Variants in PFDN1 observed in about 807,000 individuals in gnomAD.
PFDN1 encodes prefoldin 1.
Under a neutral mutation model 17.3 loss-of-function variants are expected in PFDN1, and 6 were observed. That is an observed-to-expected ratio of 0.35 (90% confidence interval 0.19 to 0.69). PFDN1 has a LOEUF of 0.69. PFDN1 is among the 30% of genes least tolerant of loss of function. The probability of loss-of-function intolerance (pLI) is 0.65; values close to 1 mark genes in which losing one functional copy is unlikely to be tolerated. For synonymous variants in PFDN1, 58 were observed against 50.1 expected, an observed-to-expected ratio of 1.16 and a Z score of -0.67; for missense variants, 113 against 146.2, an observed-to-expected ratio of 0.77 and a Z score of 1.17.
At chr5:140,269,251 G>A (rs1462683897) in intron 3 of PFDN1, among the ~76,000 whole-genome samples, 1 of 151,470 alleles carries the variant, frequency 6.6e-6, no homozygotes, top group Non-Finnish European at 1.5e-5. Flanking sequence ...GGGCTCAAAA[G>A]ATCTGCCTGC....
At chr5:140,265,455 G>C (rs1029938711) in intron 3 of PFDN1, among the ~76,000 whole-genome samples, 1 of 152,028 alleles carries the variant, frequency 6.6e-6, no homozygotes, top group African/African-American at 2.4e-5. Context: ...CTATAAACTG[G>C]CAATTTGTAG....
intron 2 of PFDN1, among the ~76,000 whole-genome samples, chr5:140,295,613 G>A (rs1765641015): frequency 1.3e-5 from 2 of 152,250 alleles, no homozygotes; most frequent in African/African-American, 4.8e-5. Flanking sequence ...TGAAGTAAGA[G>A]AACTAAAATG....
At chr5:140,275,559 A>G (rs1249842025) in intron 3 of PFDN1, among the ~76,000 whole-genome samples, 1 of 152,172 alleles carries the variant, frequency 6.6e-6, no homozygotes, top group Admixed American at 6.5e-5. Flanking sequence ...GGCTGATGAC[A>G]TAGGGCACAA....
At chr5:140,295,337 C>T (rs1358439546) in intron 2 of PFDN1, among the ~76,000 whole-genome samples, 1 of 152,130 alleles carries the variant, frequency 6.6e-6, no homozygotes, top group African/African-American at 2.4e-5. Context: ...AAAACCCCCA[C>T]AAGCAATTAT....
chr5:140,287,582 A>G (rs1034873771), intron 2 of PFDN1, among the ~76,000 whole-genome samples: 3 of 152,194 alleles, frequency 2.0e-5, no homozygotes, highest in African/African-American at 7.2e-5. Context: ...AAAATACAAG[A>G]TGAACCTGGA....
At chr5:140,277,195 C>T (rs1312154632) in intron 3 of PFDN1, among the ~76,000 whole-genome samples, 1 of 149,828 alleles carries the variant, frequency 6.7e-6, no homozygotes, top group African/African-American at 2.5e-5. Flanking sequence ...CATTGCACTA[C>T]AGCCTGGGCA....
At chr5:140,302,438 T>G (rs957238125) in intron 1 of PFDN1, among the ~76,000 whole-genome samples, 2 of 152,224 alleles carry the variant, frequency 1.3e-5, no homozygotes, top group Non-Finnish European at 2.9e-5. Flanking sequence ...TTACTGGTTT[T>G]GTTTTGTTTT....
chr5:140,282,640 A>G (rs1221783140), intron 2 of PFDN1, among the ~76,000 whole-genome samples: 1 of 152,202 alleles, frequency 6.6e-6, no homozygotes. Context: ...ATTATTTACC[A>G]CTGATGAGGG....
chr5:140,285,377 T>C (rs1476991390), intron 2 of PFDN1, among the ~76,000 whole-genome samples: 2 of 152,060 alleles, frequency 1.3e-5, no homozygotes, highest in African/African-American at 4.8e-5. Context: ...TGAGCCTATC[T>C]TGCTTCTTTG....
At position 140,273,896 on chromosome 5, in the gene PFDN1, T is replaced by G. The variant is rs1765250615; in HGVS notation, c.285+7553A>C. On this transcript the variant is annotated intron_variant, in intron 3 of 3. Transcript: ENST00000261813. Reference sequence around the variant, plus strand: ...TGCCTAAAATATAACAGACTTTAGGTTGAAGGCTGACTTTAGGTTGAAGCA... The same window carrying G: ...TGCCTAAAATATAACAGACTTTAGGGTGAAGGCTGACTTTAGGTTGAAGCA... 5.1e-6 allele frequency: 5 copies of G among 984,986 alleles called. No individual in the cohort carries two copies. The African/African-American group carries it at 7.0e-5, about 14-fold the overall frequency. The allele number at this position is 984,986 out of a possible 1,614,324, so 61.0% of individuals were successfully genotyped here. A position where few individuals can be genotyped will look rare whatever the true frequency, so the allele number is the denominator to read the frequency against.
At chr5:140,295,798 T>G (rs568306669) in intron 2 of PFDN1, among the ~76,000 whole-genome samples, 5 of 151,974 alleles carry the variant, frequency 3.3e-5, no homozygotes, top group African/African-American at 9.7e-5. Flanking sequence ...TCCATACTTA[T>G]GAAATGAAAG....
In PFDN1 at chr5:140,303,068, G is replaced by C; in HGVS notation, c.6C>G (p.Ala2=). 6.2e-7 allele frequency: 1 copy of C among 1,612,552 alleles called. No individual in the cohort carries two copies. The highest frequency in any genetic ancestry group is 8.5e-7 in the Non-Finnish European group (1 of 1,178,526). ...TCTTCAGCTCTAGATCCACGGGGGC[G>C]GCCATCTTGGTGCACTGTAAGCGCC... M[A]APVDLELKKA... The change falls in exon 1 of 4, where the codon GCC becomes GCG. Residue 2 remains alanine, a synonymous_variant. Transcript: ENST00000261813.
At chr5:140,292,987 T>A (rs1294544800) in intron 2 of PFDN1, 2 of 152,094 alleles carry the variant, frequency 1.3e-5, no homozygotes, top group Non-Finnish European at 2.9e-5. Context: ...GTCCTCTCTC[T>A]CAGATTAGAT....
chr5:140,265,331 C>T (rs2126683388), intron 3 of PFDN1, among the ~76,000 whole-genome samples: 1 of 152,288 alleles, frequency 6.6e-6, no homozygotes, highest in East Asian at 1.9e-4. Flanking sequence ...ACGCCGTCCA[C>T]ACCTCTGTGG....
rs1765185154 is a variant in PFDN1, at chr5:140,270,135, C to T, written c.285+11314G>A. On this transcript the variant is annotated intron_variant, in intron 3 of 3. Transcript: ENST00000261813. The stretch of plus-strand genomic sequence containing the variant: ...AACAGAAACTGATCAGAGTAAGAAT[C>T]TAGGATAAGGATTCTTGGCAAGGAA... 2.6e-5 allele frequency among the ~76,000 whole-genome samples: 4 copies of T among 151,976 alleles called. No homozygotes were observed. The South Asian group carries it at 8.3e-4, about 32-fold the overall frequency.
chr5:140,273,915 T>C (rs1561505182), intron 3 of PFDN1: 1 of 984,556 alleles, frequency 1.0e-6, no homozygotes, highest in East Asian at 1.1e-4. Context: ...GACTTTAGGT[T>C]GAAGCAGTAA....
rs376181362 is a variant in PFDN1 at position 140,247,103 on chromosome 5, G to A, written c.286-1046C>T. Among the ~76,000 whole-genome samples the A allele has an allele frequency of 3.3e-5, 5 of 152,120 alleles. No individual in the cohort carries two copies. In the East Asian group the frequency reaches 9.6e-4, roughly 29 times the overall value. Reference sequence around the variant, plus strand: ...GGAAGCAGGGAGAGTTTAGGGCAGAGGACAAGTGAGCTCTCTGTCCAATTA... The same window carrying A: ...GGAAGCAGGGAGAGTTTAGGGCAGAAGACAAGTGAGCTCTCTGTCCAATTA... On this transcript the variant is annotated intron_variant, in intron 3 of 3. Coordinates refer to ENST00000261813, the MANE Select transcript of PFDN1 (RefSeq NM_002622.5).
At chr5:140,281,609 A>T in intron 2 of PFDN1, 76 bp from the exon 3 acceptor site, 1 of 747,310 alleles carries the variant, frequency 1.3e-6, no homozygotes, top group East Asian at 2.5e-5. Context: ...ACATACTACA[A>T]ATATTAAACT....
chr5:140,279,856 G>A lies in PFDN1; in HGVS notation c.285+1593C>T, dbSNP rs191651459. Among the ~76,000 whole-genome samples, 469 of 151,658 alleles carry A rather than the reference G, an allele frequency of 3.1e-3. 1 individual carries two copies. The highest frequency in any genetic ancestry group is 5.2e-3 in the Non-Finnish European group (350 of 67,868). ...ACTAAAAACACAAAATTAGCAGGGC[G>A]TGGTGGCGCATGCCTGTAATCCCAG... On this transcript the variant is annotated intron_variant, in intron 3 of 3. Transcript: ENST00000261813.
Sources: allele counts gnomAD v4.1 joint callset (sites outside exome capture counted in the v4.1 genomes callset), GRCh38; gene constraint gnomAD v4.1.1; transcripts MANE v1.5; gene names NCBI Gene and HGNC (gene_info 2026-07-23, HGNC 2026-07-21).